ADCY6: variants seen among roughly 807,000 people sequenced by gnomAD.
ADCY6 encodes adenylate cyclase 6, also known as adenylate cyclase type 6.
ADCY6 carries 59 observed loss-of-function variants against 111.6 expected under a neutral mutation model. The observed-to-expected ratio is 0.53, with a 90% CI of 0.43 to 0.66. ADCY6 has a LOEUF of 0.66. Ranked by LOEUF, ADCY6 falls within the 30% of genes least tolerant of loss-of-function variation. ADCY6 has a pLI of 0.00. For synonymous variants in ADCY6, 576 were observed against 642.9 expected, an observed-to-expected ratio of 0.90 and a Z score of 1.57; for missense variants, 1,242 against 1,595.6, an observed-to-expected ratio of 0.78 and a Z score of 3.78.
Position 48,774,983 on chromosome 12 carries a change from G to A in ADCY6, c.2052C>T (p.Cys684=). The change falls in exon 12 of 22, where the codon TGC becomes TGT. Residue 684 remains cysteine, a synonymous_variant. Coordinates refer to ENST00000357869, the MANE Select transcript of ADCY6 (RefSeq NM_015270.5). ...ACALLVFCFI[C]FIQLLIFPHS... is the part of the protein sequence containing the mutation. Reference sequence around the variant, plus strand: ...GTGGGAAGATGAGAAGCTGGATGAAGCAGATGAAGCAGAAGACCAACAGGG... The same window carrying A: ...GTGGGAAGATGAGAAGCTGGATGAAACAGATGAAGCAGAAGACCAACAGGG... 1 of 1,557,070 alleles carries A rather than the reference G, an allele frequency of 6.4e-7. No individual in the cohort carries two copies. The highest frequency in any genetic ancestry group is 1.2e-5 in the South Asian group (1 of 84,328).
chr12:48,771,925 T>C lies in ADCY6; in HGVS notation c.2836A>G (p.Arg946Gly). The C allele has an allele frequency of 6.2e-7, 1 of 1,614,102 alleles. No homozygotes were observed. Among genetic ancestry groups the C allele is most frequent in the Admixed American group, 1.7e-5 (1 of 60,024 alleles). The change falls in exon 19 of 22, where the codon AGG becomes GGG. Residue 946 changes from arginine (R) to glycine (G), a missense_variant. By Grantham distance (125) the Arg-to-Gly change is moderately radical. This residue lies in a region of ADCY6 where 245 missense variants were observed against 371.3 expected (regional missense o/e 0.66). Transcript: ENST00000357869. This position sits in a 1 kb window ranked among gnomAD's most constrained non-coding sequence, Gnocchi z 4.3. ...TTGGGCAGAATGTTATGCAGCAGCC[T>C]CCGGTTGTATGCCTGTAGCTCCTCC... ...EMEELQAYNR[R>G]LLHNILPKDV...
rs1332140318 is a variant in ADCY6, at chr12:48,775,949, T to C, written c.1806+14A>G. Reference sequence around the variant, plus strand: ...GAAAATGAGGCCCTAGGTCTGGTGCTGAGGGCCCCTCACCATCTGGCGGAA... The same window carrying C: ...GAAAATGAGGCCCTAGGTCTGGTGCCGAGGGCCCCTCACCATCTGGCGGAA... On this transcript the variant is annotated intron_variant, in intron 9 of 21. Transcript: ENST00000357869. The C allele has an allele frequency of 2.0e-5, 32 of 1,592,396 alleles. No homozygotes were observed. The highest frequency in any genetic ancestry group is 2.4e-5 in the Non-Finnish European group (28 of 1,169,766).
At chr12:48,788,345 C>T (rs1942019506) in intron 1 of ADCY6, among the ~76,000 whole-genome samples, 1 of 152,198 alleles carries the variant, frequency 6.6e-6, no homozygotes, top group African/African-American at 2.4e-5. Context: ...CCTGATTCCA[C>T]CTCTAGCCTT....
At chr12:48,772,170 G>C in intron 18 of ADCY6, 125 bp downstream of exon 18, 1 of 1,444,610 alleles carries the variant, frequency 6.9e-7, no homozygotes, top group Non-Finnish European at 9.2e-7. Context: ...CACAGAGAAG[G>C]AATGGAACCA....
Position 48,782,102 on chromosome 12 carries a change from C to CTAG in ADCY6, c.864+468_864+469insCTA, listed in dbSNP as rs1218212181. On this transcript the variant is annotated intron_variant, in intron 2 of 21. Coordinates refer to ENST00000357869, the MANE Select transcript of ADCY6 (RefSeq NM_015270.5). The surrounding 1 kb of genome is among the most constrained non-coding windows in gnomAD (Gnocchi z 4.3). ...AACCTGCTCTATACCTCCAGATCAC[C>CTAG]ACCTAGAGCTGCTCTTCAGGGATAG... is the stretch of plus-strand genomic sequence containing the variant. Among the ~76,000 whole-genome samples the CTAG allele has an allele frequency of 6.6e-6, 1 of 152,140 alleles. No individual in the cohort carries two copies. The highest frequency in any genetic ancestry group is 1.5e-5 in the Non-Finnish European group (1 of 68,034).
Position 48,777,583 on chromosome 12 carries a change from C to A in ADCY6, c.1136+32G>T. The stretch of plus-strand genomic sequence containing the variant: ...CCCTCAAAGACTTCCAGACCCCCCG[C>A]CCTGCTGGGCATCCTCCTACCCTCA... On this transcript the variant is annotated intron_variant, in intron 4 of 21. Transcript: ENST00000357869. The surrounding 1 kb of genome is among the most constrained non-coding windows in gnomAD (Gnocchi z 4.9). The A allele has an allele frequency of 6.2e-7, 1 of 1,612,944 alleles. No individual in the cohort carries two copies. The highest frequency in any genetic ancestry group is 8.5e-7 in the Non-Finnish European group (1 of 1,179,942).
chr12:48,768,817 C>A, intron 21 of ADCY6, 101 bp from the exon 22 acceptor site: 1 of 1,554,178 alleles, frequency 6.4e-7, no homozygotes, highest in South Asian at 1.2e-5. Context: ...TTCCCCCAGT[C>A]CCTGCCCCAC....
rs1444803213 is a variant in ADCY6, at chr12:48,778,159, G to A, written c.963C>T (p.Thr321=). 1.2e-6 allele frequency: 2 copies of A among 1,613,972 alleles called. No individual in the cohort carries two copies. Among genetic ancestry groups the A allele is most frequent in the South Asian group, 2.2e-5 (2 of 91,038 alleles). ...EVSQRQAFQE[T]RGYIQARLHL... ...GGAGCCGGGCCTGGATGTAACCGCG[G>A]GTCTCCTGAAAGGCCTGGCGCTGAG... The change falls in exon 3 of 22, where the codon ACC becomes ACT. Residue 321 remains threonine, a synonymous_variant. Coordinates refer to ENST00000357869, the MANE Select transcript of ADCY6 (RefSeq NM_015270.5).
chr12:48,771,073 C>G lies in ADCY6; in HGVS notation c.3052-103G>C, dbSNP rs181904569. ...CGCCTTGGCTGCCTTCCCCACTTCC[C>G]TGTCTCAAGAGCCCCCTTCCAGCTG... On this transcript the variant is annotated intron_variant, in intron 19 of 21. Transcript: ENST00000357869. This position sits in a 1 kb window ranked among gnomAD's most constrained non-coding sequence, Gnocchi z 4.3. The G allele has an allele frequency of 9.4e-6, 11 of 1,170,414 alleles. No homozygotes were observed. Among genetic ancestry groups the G allele is most frequent in the Non-Finnish European group, 1.3e-5 (11 of 823,064 alleles). The allele number at this position is 1,170,414 out of a possible 1,614,324, so 72.5% of individuals were successfully genotyped here.
At chr12:48,773,391 G>A in intron 16 of ADCY6, 78 bp downstream of exon 16, 3 of 1,497,768 alleles carry the variant, frequency 2.0e-6, no homozygotes, top group Non-Finnish European at 1.8e-6. Context: ...AAGGGGCATG[G>A]GCACCAGAGA....
At chr12:48,786,735 C>A (rs1169932475) in intron 1 of ADCY6, among the ~76,000 whole-genome samples, 1 of 152,168 alleles carries the variant, frequency 6.6e-6, no homozygotes, top group Non-Finnish European at 1.5e-5. Context: ...TTTGGTCAGG[C>A]TGGCATTTGG....
intron 1 of ADCY6, among the ~76,000 whole-genome samples, chr12:48,787,826 C>G (rs1308260486): frequency 1.3e-5 from 2 of 152,170 alleles, no homozygotes; most frequent in Non-Finnish European, 2.9e-5. Context: ...AGGCTCAGTG[C>G]CTCCCAGACC....
In ADCY6 at chr12:48,777,719, C is replaced by T. The variant is rs541746900; in HGVS notation, c.1032G>A (p.Ser344=). The change falls in exon 4 of 22, where the codon TCG becomes TCA. Residue 344 remains serine, a synonymous_variant. Transcript: ENST00000357869. The surrounding 1 kb of genome is among the most constrained non-coding windows in gnomAD (Gnocchi z 4.9). ...ENRQQERLLL[S]VLPQHVAMEM... is the part of the protein sequence containing the mutation. ...CCATGGCAACGTGCTGGGGCAATAC[C>T]GACAGCAGCAGCCGCTCCTAGCCCA... The T allele has an allele frequency of 3.9e-5, 63 of 1,614,100 alleles. 2 individuals are homozygous for T. Among genetic ancestry groups the T allele is most frequent in the South Asian group, 3.4e-4 (31 of 91,086 alleles).
Position 48,777,591 on chromosome 12 carries a change from G to A in ADCY6, c.1136+24C>T. 6.2e-7 allele frequency: 1 copy of A among 1,613,024 alleles called. No individual in the cohort carries two copies. The highest frequency in any genetic ancestry group is 1.1e-5 in the South Asian group (1 of 91,048). On this transcript the variant is annotated intron_variant, in intron 4 of 21. Transcript: ENST00000357869. This position sits in a 1 kb window ranked among gnomAD's most constrained non-coding sequence, Gnocchi z 4.9. Reference sequence around the variant, plus strand: ...GACTTCCAGACCCCCCGCCCTGCTGGGCATCCTCCTACCCTCACCCTACCT... The same window carrying A: ...GACTTCCAGACCCCCCGCCCTGCTGAGCATCCTCCTACCCTCACCCTACCT...
Sources: gnomAD v4.1 joint callset for allele counts (sites outside exome capture counted in the v4.1 genomes callset) on GRCh38, gnomAD v4.1.1 for gene constraint, gnomAD v4.1.1 regional missense constraint, Gnocchi (gnomAD v3.1) non-coding constraint, MANE v1.5 for transcripts, NCBI Gene and HGNC (gene_info 2026-07-23, HGNC 2026-07-21) for gene names.